Variants in NCAM2 observed in about 807,000 individuals in gnomAD.
The protein encoded by NCAM2 is neural cell adhesion molecule 2, also known as N-CAM-2.
Under a neutral mutation model 98.1 loss-of-function variants are expected in NCAM2, and 30 were observed. That is an observed-to-expected ratio of 0.31 (90% CI 0.23 to 0.41). The LOEUF (loss-of-function observed/expected upper bound fraction) is 0.41, where lower values mean the gene tolerates loss of function less well. Ranked by LOEUF, NCAM2 falls within the 10% of genes least tolerant of loss-of-function variation. NCAM2 has a pLI of 1.00. For synonymous variants in NCAM2, 368 were observed against 342.4 expected (o/e 1.07, Z -0.83); for missense variants, 867 against 1,005.8 (o/e 0.86, Z 1.87).
chr21:21,505,902 T>C (rs1987950028), intron 15 of NCAM2, among the ~76,000 whole-genome samples: 1 of 151,940 alleles, frequency 6.6e-6, no homozygotes, highest in South Asian at 2.1e-4. Flanking sequence ...GTTATTTTTA[T>C]TATTACTGTC....
At chr21:21,321,304 G>A (rs985844725) in intron 5 of NCAM2, among the ~76,000 whole-genome samples, 11 of 151,796 alleles carry the variant, frequency 7.2e-5, no homozygotes, top group East Asian at 1.9e-4. Context: ...TATAGATTCC[G>A]GATATTCAAC....
chr21:21,502,771 C>A (rs1347361488), intron 15 of NCAM2, among the ~76,000 whole-genome samples: 1 of 151,918 alleles, frequency 6.6e-6, no homozygotes, highest in Admixed American at 6.6e-5. Context: ...CTGCATCCAA[C>A]AATATCTCTT....
chr21:21,440,339 T>A (rs1979049089), intron 12 of NCAM2, among the ~76,000 whole-genome samples: 1 of 152,126 alleles, frequency 6.6e-6, no homozygotes, highest in Non-Finnish European at 1.5e-5. Flanking sequence ...CAGAGTTTAT[T>A]ATGAAATGTC....
intron 1 of NCAM2, among the ~76,000 whole-genome samples, chr21:21,262,658 C>CAAAAAAAAAAAAAAAAAAAAAA (rs33912324): frequency 2.5e-5 from 2 of 78,962 alleles, no homozygotes; most frequent in Admixed American, 1.7e-4. Flanking sequence ...AACAATCAGT[C>CAAAAAAAAAAAAAAAAAAAAAA]AAAAAAAAAA....
intron 4 of NCAM2, among the ~76,000 whole-genome samples, chr21:21,290,585 AG>A (rs1168453179): frequency 6.6e-6 from 1 of 151,912 alleles, no homozygotes; most frequent in Non-Finnish European, 1.5e-5. Context: ...CTAAGGAAAA[AG>A]TGAGCATTAT....
chr21:21,160,260 G>C (rs1183950515), intron 1 of NCAM2, among the ~76,000 whole-genome samples: 1 of 151,900 alleles, frequency 6.6e-6, no homozygotes. Context: ...ATAAACAGTA[G>C]CTTACTTAGT....
At chr21:21,303,998 T>A (rs762384970) in intron 5 of NCAM2, among the ~76,000 whole-genome samples, 2 of 152,222 alleles carry the variant, frequency 1.3e-5, no homozygotes, top group Admixed American at 6.5e-5. Context: ...ATTCTTTATG[T>A]ATTTGGAATG....
chr21:21,290,822 A>G (rs1050930589), intron 4 of NCAM2, among the ~76,000 whole-genome samples: 8 of 151,820 alleles, frequency 5.3e-5, no homozygotes, highest in African/African-American at 1.5e-4. Flanking sequence ...AGGAACGGCT[A>G]TGACAAATTT....
At chr21:21,049,396 A>G (rs1038371062) in intron 1 of NCAM2, among the ~76,000 whole-genome samples, 1 of 152,154 alleles carries the variant, frequency 6.6e-6, no homozygotes, top group African/African-American at 2.4e-5. Flanking sequence ...ACACCACTAC[A>G]TTAGGCTTCT....
At chr21:21,408,416 A>T (rs571782845) in intron 9 of NCAM2, among the ~76,000 whole-genome samples, 2 of 152,308 alleles carry the variant, frequency 1.3e-5, no homozygotes, top group East Asian at 3.9e-4. Flanking sequence ...GTGCATTAAA[A>T]GTCCTTTAAA....
chr21:21,486,658 T>C (rs1468556215), intron 15 of NCAM2, among the ~76,000 whole-genome samples: 1 of 152,150 alleles, frequency 6.6e-6, no homozygotes, highest in African/African-American at 2.4e-5. Context: ...GATCTTGACT[T>C]AGGAATGACA....
chr21:21,384,806 A>G (rs904975790), intron 9 of NCAM2, among the ~76,000 whole-genome samples: 1 of 152,080 alleles, frequency 6.6e-6, no homozygotes, highest in Non-Finnish European at 1.5e-5. Flanking sequence ...ATAATTCTTA[A>G]TATTAATTTC....
intron 8 of NCAM2, among the ~76,000 whole-genome samples, chr21:21,361,719 G>A (rs1449772500): frequency 6.6e-6 from 1 of 151,986 alleles, no homozygotes; most frequent in Non-Finnish European, 1.5e-5. Context: ...GCTTCACTTG[G>A]ATATTAAATA....
At chr21:21,252,954 T>C (rs976701545) in intron 1 of NCAM2, among the ~76,000 whole-genome samples, 13 of 152,148 alleles carry the variant, frequency 8.5e-5, no homozygotes, top group African/African-American at 3.1e-4. Flanking sequence ...TACTCCAGAT[T>C]GTCAAATCTC....
intron 12 of NCAM2, among the ~76,000 whole-genome samples, chr21:21,450,825 CACACACACAT>C (rs891454034): frequency 5.3e-5 from 8 of 150,656 alleles, no homozygotes; most frequent in South Asian, 2.1e-4. Context: ...CACACACACA[CACACACACAT>C]ATCTCCTGTC....
chr21:21,166,803 T>C (rs1041721476), intron 1 of NCAM2, among the ~76,000 whole-genome samples: 1 of 152,198 alleles, frequency 6.6e-6, no homozygotes, highest in Non-Finnish European at 1.5e-5. Flanking sequence ...TAGGTTCAAA[T>C]AAAACCACTC....
intron 1 of NCAM2, among the ~76,000 whole-genome samples, chr21:21,211,518 G>A (rs1376705641): frequency 1.3e-5 from 2 of 152,066 alleles, no homozygotes; most frequent in Non-Finnish European, 2.9e-5. Flanking sequence ...GTGTTAGTGG[G>A]AATTATTTTA....
At chr21:21,059,524 C>T (rs1271767371) in intron 1 of NCAM2, among the ~76,000 whole-genome samples, 1 of 152,042 alleles carries the variant, frequency 6.6e-6, no homozygotes, top group Non-Finnish European at 1.5e-5. Context: ...TTTAGGGAAC[C>T]TAACATAAGA....
chr21:21,512,253 T>A (rs935682282), intron 16 of NCAM2, among the ~76,000 whole-genome samples: 29 of 152,054 alleles, frequency 1.9e-4, no homozygotes, highest in African/African-American at 6.8e-4. Context: ...TTATTCTGTT[T>A]TGATTTGTTC....
Sources: allele counts gnomAD v4.1 joint callset (sites outside exome capture counted in the v4.1 genomes callset), GRCh38; gene constraint gnomAD v4.1.1; transcripts MANE v1.5; gene names NCBI Gene and HGNC (gene_info 2026-07-23, HGNC 2026-07-21).